Variants in MDN1 observed in about 807,000 individuals in gnomAD.
The protein encoded by MDN1 is midasin AAA ATPase 1.
In MDN1, 266 loss-of-function variants were observed where a neutral mutation model predicts 669.2. The ratio of observed to expected loss-of-function variants is 0.40; its 90% CI spans 0.36 to 0.44. The LOEUF (loss-of-function observed/expected upper bound fraction) is 0.44, where lower values mean the gene tolerates loss of function less well. Ranked by LOEUF, MDN1 falls within the 20% of genes least tolerant of loss-of-function variation. The pLI is 1.00. For missense variants in MDN1, 5,940 were observed against 6,754.0 expected (o/e 0.88, Z 4.22); for synonymous variants, 2,385 against 2,457.1 (o/e 0.97, Z 0.87).
At chr6:89,811,559 C>G (rs748434171) in intron 1 of MDN1, among the ~76,000 whole-genome samples, 2 of 152,090 alleles carry the variant, frequency 1.3e-5, no homozygotes, top group Non-Finnish European at 2.9e-5. Context: ...AATTCTCCTG[C>G]CACAGCCTCC....
Position 89,761,766 on chromosome 6 carries a change from G to T in MDN1, c.2357-18C>A. On this transcript the variant is annotated intron_variant, in intron 16 of 101. Coordinates refer to ENST00000369393, the MANE Select transcript of MDN1 (RefSeq NM_014611.3). ...GAGTAACCCTAAAAAAGAAAGACAA[G>T]AATTCAGCACACATTTTGAATTGTA... 6.6e-7 allele frequency: 1 copy of T among 1,511,530 alleles called. No individual in the cohort carries two copies. Among genetic ancestry groups the T allele is most frequent in the Non-Finnish European group, 9.1e-7 (1 of 1,094,668 alleles). The allele number at this position is 1,511,530 out of a possible 1,614,324, so 93.6% of individuals were successfully genotyped here.
At chr6:89,684,738 C>T (rs1811891024) in intron 71 of MDN1, 138 bp downstream of exon 71, 4 of 562,236 alleles carry the variant, frequency 7.1e-6, no homozygotes, top group Non-Finnish European at 1.3e-5. Flanking sequence ...TACATATTGC[C>T]ATCCTCCCTA....
At position 89,749,666 on chromosome 6, in the gene MDN1, C is replaced by T. The variant is rs761411598; in HGVS notation, c.3492G>A (p.Leu1164=). The stretch of plus-strand genomic sequence containing the variant: ...CACGGTTATCATCCAACAGCCTATT[C>T]AGCGCCTCTAACACATCAGTAGGGG... The part of the protein sequence containing the change: ...NLAPTDVLEA[L]NRLLDDNREL... Residue 1164 remains leucine, a synonymous_variant, in exon 25 of 102, where the codon CTG becomes CTA. Coordinates refer to ENST00000369393, the MANE Select transcript of MDN1 (RefSeq NM_014611.3). 6.2e-7 allele frequency: 1 copy of T among 1,614,120 alleles called. No homozygotes were observed. The highest frequency in any genetic ancestry group is 8.5e-7 in the Non-Finnish European group (1 of 1,179,982).
At chr6:89,654,918 T>C (rs1389597860) in intron 92 of MDN1, among the ~76,000 whole-genome samples, 2 of 152,290 alleles carry the variant, frequency 1.3e-5, no homozygotes, top group Non-Finnish European at 1.5e-5. Context: ...GAAAGACGAA[T>C]AGGAATCCCA....
chr6:89,702,194 A>C, intron 53 of MDN1, 133 bp from the exon 54 acceptor site: 1 of 793,994 alleles, frequency 1.3e-6, no homozygotes, highest in South Asian at 2.7e-5. Context: ...TATAATTGCT[A>C]ATCAATGCTC....
At position 89,675,542 on chromosome 6, in the gene MDN1, A is replaced by G; in HGVS notation, c.12683T>C (p.Phe4228Ser). 6.2e-7 allele frequency: 1 copy of G among 1,613,980 alleles called. No individual in the cohort carries two copies. The highest frequency in any genetic ancestry group is 8.5e-7 in the Non-Finnish European group (1 of 1,180,018). ...GAGCATCTTCATCAAATGTGCTGAG[A>G]ACCCTCTGCACCTCTCCACGTTGCC... Reference protein sequence around the residue: ...GMGNVERCRGFSAHLMKMLVR... With the variant: ...GMGNVERCRGSSAHLMKMLVR... The change falls in exon 78 of 102, where the codon TTC becomes TCC. Residue 4228 changes from phenylalanine (F) to serine (S), a missense_variant. Phe to Ser is a radical substitution (Grantham distance 155, BLOSUM62 -2). Coordinates refer to ENST00000369393, the MANE Select transcript of MDN1 (RefSeq NM_014611.3).
In MDN1 at chr6:89,707,399, C is replaced by G. The variant is rs1470854584; in HGVS notation, c.7976G>C (p.Arg2659Thr). The change falls in exon 52 of 102, where the codon AGA becomes ACA. Residue 2659 changes from arginine to threonine, a missense_variant. Physicochemically the swap from Arg to Thr is moderately conservative, Grantham distance 71. Coordinates refer to ENST00000369393, the MANE Select transcript of MDN1 (RefSeq NM_014611.3). ...AAAGGACATTCTCAAAACACTCTCTCTTAGCTTTTTGCTACCAACAGAAAC... is the reference window on the plus strand; with the variant it reads ...AAAGGACATTCTCAAAACACTCTCTGTTAGCTTTTTGCTACCAACAGAAAC... Reference protein sequence around the residue: ...NLVSVGSKKLRESVLRMSFEF... With the variant: ...NLVSVGSKKLTESVLRMSFEF... 39 of 1,613,908 alleles carry G rather than the reference C, an allele frequency of 2.4e-5. No homozygotes were observed. The highest frequency in any genetic ancestry group is 3.3e-5 in the Non-Finnish European group (39 of 1,179,810).
Position 89,673,314 on chromosome 6 carries a change from C to T in MDN1, c.13396G>A (p.Val4466Ile). The T allele has an allele frequency of 6.2e-7, 1 of 1,614,166 alleles. No individual in the cohort carries two copies. Among genetic ancestry groups the T allele is most frequent in the Non-Finnish European group, 8.5e-7 (1 of 1,180,022 alleles). Residue 4466 changes from valine to isoleucine, a missense_variant, in exon 80 of 102, where the codon GTA becomes ATA. This residue lies in a region of MDN1 where 2,280 missense variants were observed against 2,576.3 expected (regional missense o/e 0.88). Coordinates refer to ENST00000369393, the MANE Select transcript of MDN1 (RefSeq NM_014611.3). Reference sequence around the variant, plus strand: ...ATGGCTTTACTAATTTCTCCTCTTACATATTCCAGACTTTCAACTAGTGCC... The same window carrying T: ...ATGGCTTTACTAATTTCTCCTCTTATATATTCCAGACTTTCAACTAGTGCC... ...QMALVESLEYVRGEISKAMAD... is the reference protein window; with the variant it reads ...QMALVESLEYIRGEISKAMAD...
At position 89,729,514 on chromosome 6, in the gene MDN1, A is replaced by G. The variant is rs1815437088; in HGVS notation, c.5141-375T>C. On this transcript the variant is annotated intron_variant, in intron 35 of 101. Transcript: ENST00000369393. ...CAAGTGTAAGCTAGGCATATGGGCC[A>G]CATGGTTCCACATAATCAACTTCAT... 2.6e-5 allele frequency among the ~76,000 whole-genome samples: 4 copies of G among 152,206 alleles called. No homozygotes were observed. The South Asian group carries it at 8.3e-4, about 32-fold the overall frequency.
chr6:89,717,817 C>T (rs1814502512), intron 43 of MDN1, among the ~76,000 whole-genome samples: 1 of 152,174 alleles, frequency 6.6e-6, no homozygotes, highest in East Asian at 1.9e-4. Context: ...TACAAGCAGG[C>T]TTTGGAAATA....
At chr6:89,661,622 TA>T (rs760603102) in intron 87 of MDN1, 44 bp from the exon 88 acceptor site, 64 of 1,540,408 alleles carry the variant, frequency 4.2e-5, no homozygotes, top group South Asian at 9.8e-5. Context: ...AAAATACAAA[TA>T]TTTTTTTAAA....
intron 1 of MDN1, chr6:89,814,963 TCA>T (rs754804098): frequency 1.1e-5 from 6 of 526,768 alleles, no homozygotes; most frequent in Non-Finnish European, 2.0e-5. Context: ...GGGTGCCATG[TCA>T]CAGAGAATCC....
intron 53 of MDN1, among the ~76,000 whole-genome samples, chr6:89,705,794 C>A (rs1813473478): frequency 1.3e-5 from 2 of 152,088 alleles, no homozygotes; most frequent in African/African-American, 4.8e-5. Flanking sequence ...TGGATATGTT[C>A]ATTATCTTGA....
At chr6:89,784,922 G>A in intron 9 of MDN1, 90 bp downstream of exon 9, 2 of 800,964 alleles carry the variant, frequency 2.5e-6, no homozygotes, top group Non-Finnish European at 4.1e-6. Context: ...TTAGGTTGAT[G>A]AGGGTTCTGG....
intron 92 of MDN1, among the ~76,000 whole-genome samples, chr6:89,654,807 C>T (rs539019185): frequency 2.6e-5 from 4 of 152,288 alleles, no homozygotes; most frequent in African/African-American, 9.6e-5. Context: ...GATCATTAAA[C>T]ATTGTATACA....
At chr6:89,722,884 A>T in intron 40 of MDN1, 71 bp downstream of exon 40, 1 of 1,320,442 alleles carries the variant, frequency 7.6e-7, no homozygotes, top group Non-Finnish European at 1.0e-6. Context: ...CAATTAGTGT[A>T]TGTCCTTTCT....
chr6:89,730,785 G>T lies in MDN1; in HGVS notation c.5081C>A (p.Ala1694Asp). The change falls in exon 35 of 102, where the codon GCC becomes GAC. Residue 1694 changes from alanine (A) to aspartate (D), a missense_variant. Coordinates refer to ENST00000369393, the MANE Select transcript of MDN1 (RefSeq NM_014611.3). ...GTTATCTATTCCAGTGAATTCTTTG[G>T]CCTTCATTCTGTCATAAATCTTCAA... is the stretch of plus-strand genomic sequence containing the variant. ...NELKIYDRMK[A>D]KEFTGIDNLW... The T allele has an allele frequency of 6.2e-7, 1 of 1,613,914 alleles. No homozygotes were observed. Among genetic ancestry groups the T allele is most frequent in the East Asian group, 2.2e-5 (1 of 44,874 alleles).
Position 89,790,295 on chromosome 6 carries a change from G to GAC in MDN1, c.961_962insGT (p.Ser321CysfsTer12). The GAC allele has an allele frequency of 6.2e-7, 1 of 1,614,122 alleles. No homozygotes were observed. The highest frequency in any genetic ancestry group is 8.5e-7 in the Non-Finnish European group (1 of 1,180,026). On this transcript the variant is annotated frameshift_variant, in exon 6 of 102. Transcript: ENST00000369393. LOFTEE classifies it high-confidence loss of function. ...TCCTTCCAACAACACAGCATTCTGAGAAGCAACCGCCATAGCCAGGGTCTG... is the reference window on the plus strand; with the variant it reads ...TCCTTCCAACAACACAGCATTCTGAGACAAGCAACCGCCATAGCCAGGGTCTG...
intron 76 of MDN1, among the ~76,000 whole-genome samples, 156 bp downstream of exon 76, chr6:89,677,414 C>G (rs1811269832): frequency 6.6e-6 from 1 of 152,134 alleles, no homozygotes; most frequent in African/African-American, 2.4e-5. Flanking sequence ...ATTTGAATGT[C>G]CATCAGGAGT....
Sources: gnomAD v4.1 joint callset for allele counts (sites outside exome capture counted in the v4.1 genomes callset) on GRCh38, gnomAD v4.1.1 for gene constraint, gnomAD v4.1.1 regional missense constraint, MANE v1.5 for transcripts, NCBI Gene and HGNC (gene_info 2026-07-23, HGNC 2026-07-21) for gene names.